The following SMPDL3B variants were observed in gnomAD, a reference collection of about 807,000 sequenced individuals.
SMPDL3B encodes the protein sphingomyelin phosphodiesterase acid like 3B, also known as acid sphingomyelinase-like phosphodiesterase 3b.
In SMPDL3B, 31 loss-of-function variants were observed where a neutral mutation model predicts 37.9. The observed-to-expected ratio is 0.82, with a 90% CI of 0.61 to 1.10. The LOEUF (loss-of-function observed/expected upper bound fraction) is 1.10. Ranked by LOEUF, SMPDL3B falls within the 50% of genes least tolerant of loss-of-function variation. The pLI is 0.00. For missense variants in SMPDL3B, 525 were observed against 597.8 expected, an observed-to-expected ratio of 0.88 and a Z score of 1.27; for synonymous variants, 235 against 242.6, an observed-to-expected ratio of 0.97 and a Z score of 0.29.
chr1:27,945,209 G>A lies in SMPDL3B; in HGVS notation c.62-23G>A, dbSNP rs1434035230. ...GGCTGAGAGAGAGACCAGCTTTGAA[G>A]GAGGATGTTTTTTCCCCTGCAGGGA... On this transcript the variant is annotated intron_variant, in intron 1 of 7. Transcript: ENST00000373894. The surrounding 1 kb of genome is among the most constrained non-coding windows in gnomAD (Gnocchi z 4.0). 1 of 1,611,300 alleles carries A rather than the reference G, an allele frequency of 6.2e-7. No homozygotes were observed. Among genetic ancestry groups the A allele is most frequent in the African/African-American group, 1.3e-5 (1 of 75,008 alleles).
In SMPDL3B at chr1:27,958,723, G is replaced by T; in HGVS notation, c.1253G>T (p.Arg418Leu). 1 of 1,613,826 alleles carries T rather than the reference G, an allele frequency of 6.2e-7. No homozygotes were observed. Among genetic ancestry groups the T allele is most frequent in the South Asian group, 1.1e-5 (1 of 91,092 alleles). Residue 418 changes from arginine to leucine, a missense_variant, in exon 8 of 8, where the codon CGC (arginine) becomes CTC (leucine). Transcript: ENST00000373894. This position sits in a 1 kb window ranked among gnomAD's most constrained non-coding sequence, Gnocchi z 5.6. Reference protein sequence around the residue: ...ACSMQHVCAMRQVDIDAYTTC... With the variant: ...ACSMQHVCAMLQVDIDAYTTC... ...AGCATGCAGCACGTGTGTGCCATGCGCCAGGTGGACATTGACGCTTACACC... is the reference window on the plus strand; with the variant it reads ...AGCATGCAGCACGTGTGTGCCATGCTCCAGGTGGACATTGACGCTTACACC...
intron 3 of SMPDL3B, among the ~76,000 whole-genome samples, chr1:27,949,581 C>T (rs1344604090): frequency 6.6e-6 from 1 of 152,176 alleles, no homozygotes; most frequent in African/African-American, 2.4e-5. Flanking sequence ...TGCTAATTTC[C>T]AGCCAAGGTG....
intron 3 of SMPDL3B, among the ~76,000 whole-genome samples, 196 bp downstream of exon 3, chr1:27,949,358 G>C (rs2090436472): frequency 6.6e-6 from 1 of 152,216 alleles, no homozygotes; most frequent in African/African-American, 2.4e-5. Context: ...CCATGGGCCG[G>C]TGGATACACA....
At chr1:27,950,966 G>A (rs150358379) in intron 3 of SMPDL3B, among the ~76,000 whole-genome samples, 8 of 152,170 alleles carry the variant, frequency 5.3e-5, no homozygotes, top group African/African-American at 1.7e-4. Flanking sequence ...TTCTTGCTGT[G>A]TTGCCTAGGC....
chr1:27,941,234 C>T lies in SMPDL3B; in HGVS notation c.62-3998C>T, dbSNP rs145240990. Among the ~76,000 whole-genome samples the T allele has an allele frequency of 2.0e-3, 305 of 152,312 alleles. 1 individual carries two copies. The highest frequency in any genetic ancestry group is 6.8e-3 in the African/African-American group (281 of 41,570). On this transcript the variant is annotated intron_variant, in intron 1 of 7. Coordinates refer to ENST00000373894, the MANE Select transcript of SMPDL3B (RefSeq NM_014474.4). ...GGGGGTTCCAAGTCAACAGGCATGACGACATTGTGTCTCAGCTTTGGGGTC... is the reference window on the plus strand; with the variant it reads ...GGGGGTTCCAAGTCAACAGGCATGATGACATTGTGTCTCAGCTTTGGGGTC...
chr1:27,935,767 T>A (rs4463696), intron 1 of SMPDL3B, among the ~76,000 whole-genome samples: 1 of 151,798 alleles, frequency 6.6e-6, no homozygotes, highest in Non-Finnish European at 1.5e-5. Context: ...TTACAAGACG[T>A]CCAGAGAAGA....
chr1:27,954,775 G>A (rs1018841706), intron 5 of SMPDL3B, among the ~76,000 whole-genome samples: 3 of 152,294 alleles, frequency 2.0e-5, no homozygotes, highest in South Asian at 2.1e-4. Context: ...AATAAGTGAC[G>A]AAGCCCAGAC....
chr1:27,939,418 A>G (rs142426407), intron 1 of SMPDL3B, among the ~76,000 whole-genome samples: 152 of 152,194 alleles, frequency 1.0e-3, no homozygotes, highest in Admixed American at 2.5e-3. Flanking sequence ...TGCTGCAATC[A>G]TAGCTCAAGG....
At chr1:27,942,543 A>G (rs1402104156) in intron 1 of SMPDL3B, among the ~76,000 whole-genome samples, 4 of 152,310 alleles carry the variant, frequency 2.6e-5, no homozygotes, top group Non-Finnish European at 5.9e-5. Flanking sequence ...CAGTGGTGCA[A>G]TCTCGGCTCA....
chr1:27,936,993 C>T (rs376525618), intron 1 of SMPDL3B, among the ~76,000 whole-genome samples: 14 of 151,718 alleles, frequency 9.2e-5, no homozygotes, highest in South Asian at 2.1e-4. Context: ...TGCACTCCAG[C>T]CTGGGCGACA....
chr1:27,937,768 G>A (rs2090322059), intron 1 of SMPDL3B, among the ~76,000 whole-genome samples: 1 of 152,194 alleles, frequency 6.6e-6, no homozygotes, highest in African/African-American at 2.4e-5. Flanking sequence ...CTCTGTATAA[G>A]AGAACTCTTT....
In SMPDL3B at chr1:27,948,956, T is replaced by C. The variant is rs190317190; in HGVS notation, c.276-109T>C. On this transcript the variant is annotated intron_variant, in intron 2 of 7. Coordinates refer to ENST00000373894, the MANE Select transcript of SMPDL3B (RefSeq NM_014474.4). ...CTGGCCATTCCCCCTCAAGGGGACA[T>C]CTGAGGCCCAGGTCCATAGGTTTTC... The C allele has an allele frequency of 1.7e-3, 2,705 of 1,564,282 alleles. 5 individuals carry two copies. Among genetic ancestry groups the C allele is most frequent in the Non-Finnish European group, 1.8e-3 (2,079 of 1,154,258 alleles).
chr1:27,954,389 G>A lies in SMPDL3B; in HGVS notation c.553G>A (p.Gly185Arg), dbSNP rs759636888. ...FYCEKLPGPS[G>R]AGRIVVLNTN... ...CTGTGAGAAGCTGCCGGGTCCCAGC[G>A]GGGCTGGGCGAATTGTGGTCCTCAA... Residue 185 changes from glycine (G) to arginine (R), a missense_variant, in exon 5 of 8, where the codon GGG becomes AGG. Physicochemically the swap from Gly to Arg is moderately radical, Grantham distance 125 (BLOSUM62 -2). Coordinates refer to ENST00000373894, the MANE Select transcript of SMPDL3B (RefSeq NM_014474.4). 34 of 1,613,942 alleles carry A rather than the reference G, an allele frequency of 2.1e-5. No homozygotes were observed. Among genetic ancestry groups the A allele is most frequent in the Non-Finnish European group, 2.7e-5 (32 of 1,180,026 alleles).
intron 1 of SMPDL3B, chr1:27,942,207 C>T: frequency 1.1e-5 from 5 of 437,376 alleles, no homozygotes; most frequent in South Asian, 8.5e-5. Context: ...CCAAACTGCT[C>T]AGTGTTTGTA....
intron 3 of SMPDL3B, among the ~76,000 whole-genome samples, chr1:27,951,000 G>A (rs2090451479): frequency 6.6e-6 from 1 of 152,076 alleles, no homozygotes; most frequent in South Asian, 2.1e-4. Flanking sequence ...CTGGGCTCAA[G>A]TAATTCTCTC....
At chr1:27,941,257 G>A (rs2090356185) in intron 1 of SMPDL3B, among the ~76,000 whole-genome samples, 2 of 152,202 alleles carry the variant, frequency 1.3e-5, no homozygotes, top group African/African-American at 2.4e-5. Context: ...CAGCTTTGGG[G>A]TCAGAGAGGT....
intron 4 of SMPDL3B, among the ~76,000 whole-genome samples, chr1:27,953,615 T>G (rs2090473592): frequency 6.6e-6 from 1 of 152,240 alleles, no homozygotes; most frequent in South Asian, 2.1e-4. Flanking sequence ...TGCGAGGCAC[T>G]GCCCTCTCAG....
At chr1:27,943,851 C>CA (rs535837211) in intron 1 of SMPDL3B, among the ~76,000 whole-genome samples, 1,735 of 138,452 alleles carry the variant, frequency 0.013, 10 homozygotes, top group Non-Finnish European at 0.015. Flanking sequence ...AATACAAATA[C>CA]AAAAAAAAAA....
rs772264346 is a variant in SMPDL3B at position 27,958,741 on chromosome 1, C to G, written c.1271C>G (p.Ala424Gly). 6.2e-7 allele frequency: 1 copy of G among 1,613,688 alleles called. No homozygotes were observed. ...VCAMRQVDID[A>G]YTTCLYASGT... is the part of the protein sequence containing the mutation. ...GCCATGCGCCAGGTGGACATTGACG[C>G]TTACACCACCTGTCTGTATGCCTCT... The change falls in exon 8 of 8, where the codon GCT (alanine) becomes GGT (glycine). Residue 424 changes from alanine to glycine, a missense_variant. By Grantham distance (60) the Ala-to-Gly change is moderately conservative. Transcript: ENST00000373894. This position sits in a 1 kb window ranked among gnomAD's most constrained non-coding sequence, Gnocchi z 5.6.
Sources: allele counts gnomAD v4.1 joint callset (sites outside exome capture counted in the v4.1 genomes callset), GRCh38; gene constraint gnomAD v4.1.1; non-coding constraint Gnocchi (gnomAD v3.1); transcripts MANE v1.5; gene names NCBI Gene and HGNC (gene_info 2026-07-23, HGNC 2026-07-21).